The following DPYSL2 variants were observed in gnomAD, a reference collection of about 807,000 sequenced individuals.
The protein encoded by DPYSL2 is dihydropyrimidinase like 2, also known as dihydropyrimidinase-related protein 2.
A neutral mutation model predicts 69.9 loss-of-function variants in DPYSL2; 13 were observed. That is an observed-to-expected ratio of 0.19 (90% CI 0.12 to 0.30). The LOEUF is 0.30. DPYSL2 is among the 10% of genes least tolerant of loss of function. DPYSL2 has a pLI of 1.00. For synonymous variants in DPYSL2, 326 were observed against 359.1 expected (o/e 0.91, Z 1.04); for missense variants, 587 against 918.9 (o/e 0.64, Z 4.67).
chr8:26,527,642 T>C (rs1029993976), intron 1 of DPYSL2, among the ~76,000 whole-genome samples: 2 of 152,110 alleles, frequency 1.3e-5, no homozygotes, highest in African/African-American at 4.8e-5. Context: ...CAACTTTTTA[T>C]GTTGCCAAAT....
chr8:26,517,552 G>T lies in DPYSL2; in HGVS notation c.354+2873G>T, dbSNP rs1808312300. 6.6e-6 allele frequency among the ~76,000 whole-genome samples: 1 copy of T among 152,120 alleles called. No individual in the cohort carries two copies. The highest frequency in any genetic ancestry group is 2.4e-5 in the African/African-American group (1 of 41,438). On this transcript the variant is annotated intron_variant, in intron 1 of 13. Coordinates refer to ENST00000521913, the MANE Select transcript of DPYSL2 (RefSeq NM_001197293.3). The surrounding 1 kb of genome is among the most constrained non-coding windows in gnomAD (Gnocchi z 4.2). ...GAGAGAGAAGAAAGGCATCTCTGTT[G>T]GCCCAATCCCCCCTTGTCAGTGCCC...
At chr8:26,596,888 G>A (rs1044418864) in intron 3 of DPYSL2, among the ~76,000 whole-genome samples, 1 of 152,198 alleles carries the variant, frequency 6.6e-6, no homozygotes, top group Non-Finnish European at 1.5e-5. Flanking sequence ...CTTGTGACAG[G>A]TGCTTTACAA....
At chr8:26,584,997 C>A (rs2129745003) in intron 3 of DPYSL2, among the ~76,000 whole-genome samples, 1 of 152,252 alleles carries the variant, frequency 6.6e-6, no homozygotes, top group Non-Finnish European at 1.5e-5. Flanking sequence ...TAAGAGTTTG[C>A]TTGTGAACTG....
At position 26,624,273 on chromosome 8, in the gene DPYSL2, C is replaced by T. The variant is rs1248821795; in HGVS notation, c.759C>T (p.Ile253=). ...ACATCAGTGAGTGGCATAAGGGCATCCAGGAGGAGATGGAAGCGCTTGTGA... is the reference window on the plus strand; with the variant it reads ...ACATCAGTGAGTGGCATAAGGGCATTCAGGAGGAGATGGAAGCGCTTGTGA... The part of the protein sequence containing the change: ...HVDISEWHKG[I]QEEMEALVKD... The change falls in exon 4 of 14, where the codon ATC becomes ATT. Residue 253 remains isoleucine (I), a synonymous_variant. Coordinates refer to ENST00000521913, the MANE Select transcript of DPYSL2 (RefSeq NM_001197293.3). This position sits in a 1 kb window ranked among gnomAD's most constrained non-coding sequence, Gnocchi z 4.7. The T allele has an allele frequency of 1.2e-6, 2 of 1,614,162 alleles. No individual in the cohort carries two copies. Among genetic ancestry groups the T allele is most frequent in the South Asian group, 1.1e-5 (1 of 91,078 alleles).
chr8:26,643,469 C>A lies in DPYSL2; in HGVS notation c.1157C>A (p.Ala386Asp), dbSNP rs1169067198. 2 of 1,606,914 alleles carry A rather than the reference C, an allele frequency of 1.2e-6. No homozygotes were observed. The highest frequency in any genetic ancestry group is 1.7e-6 in the Non-Finnish European group (2 of 1,176,444). Residue 386 changes from alanine (A) to aspartate (D), a missense_variant, in exon 9 of 14, where the codon GCC (alanine) becomes GAC (aspartate). By Grantham distance (126) the Ala-to-Asp change is moderately radical. Around this residue, in one of 3 missense-constraint regions of DPYSL2, gnomAD observed 452 missense variants for 754.3 expected, o/e 0.60. Coordinates refer to ENST00000521913, the MANE Select transcript of DPYSL2 (RefSeq NM_001197293.3). This position sits in a 1 kb window ranked among gnomAD's most constrained non-coding sequence, Gnocchi z 6.5. Reference sequence around the variant, plus strand: ...GTGGTGTATGGCGAGCCCATCACTGCCAGCTTGGGAACGGACGGCTCCCAT... The same window carrying A: ...GTGGTGTATGGCGAGCCCATCACTGACAGCTTGGGAACGGACGGCTCCCAT... Reference protein sequence around the residue: ...GTVVYGEPITASLGTDGSHYW... With the variant: ...GTVVYGEPITDSLGTDGSHYW...
chr8:26,577,161 T>C (rs1359808227), intron 1 of DPYSL2: 2 of 447,112 alleles, frequency 4.5e-6, no homozygotes, highest in Non-Finnish European at 9.0e-6. Context: ...AGGGCTCTCA[T>C]TTCCTGCAGC....
At position 26,533,814 on chromosome 8, in the gene DPYSL2, G is replaced by A. The variant is rs1800548550; in HGVS notation, c.354+19135G>A. On this transcript the variant is annotated intron_variant, in intron 1 of 13. Coordinates refer to ENST00000521913, the MANE Select transcript of DPYSL2 (RefSeq NM_001197293.3). This position sits in a 1 kb window ranked among gnomAD's most constrained non-coding sequence, Gnocchi z 4.8. ...AAAGATGGTAGAAGAATTGAGGCTT[G>A]CAAGAAGTGACGTGCTGCTGCGGTG... Among the ~76,000 whole-genome samples the A allele has an allele frequency of 6.6e-6, 1 of 152,242 alleles. No individual in the cohort carries two copies. The highest frequency in any genetic ancestry group is 2.4e-5 in the African/African-American group (1 of 41,454).
chr8:26,576,984 A>G, intron 1 of DPYSL2: 1 of 306,364 alleles, frequency 3.3e-6, no homozygotes, highest in South Asian at 2.3e-5. Flanking sequence ...CAGAGCGCAG[A>G]TCGCGCCACA....
At chr8:26,556,367 A>G (rs373106960) in intron 1 of DPYSL2, among the ~76,000 whole-genome samples, 15 of 83,792 alleles carry the variant, frequency 1.8e-4, no homozygotes, top group Non-Finnish European at 2.5e-4. Context: ...TATATATAGT[A>G]TATATATATA....
intron 1 of DPYSL2, among the ~76,000 whole-genome samples, chr8:26,546,042 T>C (rs530270430): frequency 6.6e-6 from 1 of 152,324 alleles, no homozygotes; most frequent in East Asian, 1.9e-4. Flanking sequence ...GCATTTTGAT[T>C]GGGATTTTGA....
At chr8:26,603,920 A>G (rs148082913) in intron 3 of DPYSL2, among the ~76,000 whole-genome samples, 1 of 152,258 alleles carries the variant, frequency 6.6e-6, no homozygotes, top group Non-Finnish European at 1.5e-5. Context: ...CCTTTTGGCT[A>G]TTGTAAATAA....
Position 26,514,835 on chromosome 8 carries a change from A to G in DPYSL2, c.354+156A>G, listed in dbSNP as rs149517015. 0.014 allele frequency among the ~76,000 whole-genome samples: 2,128 copies of G among 152,086 alleles called. 26 individuals are homozygous for G. The highest frequency in any genetic ancestry group is 0.022 in the Non-Finnish European group (1,505 of 67,942). On this transcript the variant is annotated intron_variant, in intron 1 of 13. Transcript: ENST00000521913. This position sits in a 1 kb window ranked among gnomAD's most constrained non-coding sequence, Gnocchi z 8.4. Reference sequence around the variant, plus strand: ...CGCCCTACCCGCCCCTTCTCCGCGCAGGGTGCGGCGAGGCTCGGGCTGGGC... The same window carrying G: ...CGCCCTACCCGCCCCTTCTCCGCGCGGGGTGCGGCGAGGCTCGGGCTGGGC...
At chr8:26,604,240 A>G (rs1196671382) in intron 3 of DPYSL2, among the ~76,000 whole-genome samples, 2 of 152,200 alleles carry the variant, frequency 1.3e-5, no homozygotes, top group African/African-American at 4.8e-5. Flanking sequence ...CTTCAAATGT[A>G]GTTTATGGTT....
chr8:26,652,179 T>C lies in DPYSL2; in HGVS notation c.1597-78T>C. The C allele has an allele frequency of 7.3e-7, 1 of 1,378,568 alleles. No individual in the cohort carries two copies. Among genetic ancestry groups the C allele is most frequent in the African/African-American group, 1.4e-5 (1 of 69,096 alleles). The allele number at this position is 1,378,568 out of a possible 1,614,324, so 85.4% of individuals were successfully genotyped here. A position where few individuals can be genotyped will look rare whatever the true frequency, so the allele number is the denominator to read the frequency against. ...AGTCTCTCTTTTGTCTCTGTGGGGT[T>C]GGGGCAGTGGGTGCTGCCGGGTGGA... On this transcript the variant is annotated intron_variant, in intron 11 of 13. Transcript: ENST00000521913. The surrounding 1 kb of genome is among the most constrained non-coding windows in gnomAD (Gnocchi z 6.3).
chr8:26,535,637 T>G (rs12679207), intron 1 of DPYSL2, among the ~76,000 whole-genome samples: 1 of 144,128 alleles, frequency 6.9e-6, no homozygotes, highest in Non-Finnish European at 1.5e-5. Flanking sequence ...ATATATATAT[T>G]TTTTTTTTCA....
chr8:26,557,984 T>C (rs1801016670), intron 1 of DPYSL2, among the ~76,000 whole-genome samples: 1 of 151,898 alleles, frequency 6.6e-6, no homozygotes, highest in Non-Finnish European at 1.5e-5. Context: ...CTCTCATTCA[T>C]TGCTGGTGAG....
In DPYSL2 at chr8:26,654,154, G is replaced by GA. The variant is rs1471586893; in HGVS notation, c.1942+757_1942+758insA. Among the ~76,000 whole-genome samples, 1 of 152,146 alleles carries GA rather than the reference G, an allele frequency of 6.6e-6. No homozygotes were observed. The highest frequency in any genetic ancestry group is 1.5e-5 in the Non-Finnish European group (1 of 68,036). On this transcript the variant is annotated intron_variant, in intron 13 of 13. Coordinates refer to ENST00000521913, the MANE Select transcript of DPYSL2 (RefSeq NM_001197293.3). The surrounding 1 kb of genome is among the most constrained non-coding windows in gnomAD (Gnocchi z 5.0). ...CTGTATAATGGCAATAATAGTAGTT[G>GA]CTCCCCCGTGAGGTTGTTGTGAGGG...
rs1803130338 is a variant in DPYSL2 at position 26,645,000 on chromosome 8, C to T, written c.1425+909C>T. Among the ~76,000 whole-genome samples, 1 of 152,132 alleles carries T rather than the reference C, an allele frequency of 6.6e-6. No homozygotes were observed. Among genetic ancestry groups the T allele is most frequent in the Non-Finnish European group, 1.5e-5 (1 of 68,030 alleles). ...GAAGTAAATAAAAGTCACTGTGTTTCAGATATAACCACAATTAACATTTTG... is the reference window on the plus strand; with the variant it reads ...GAAGTAAATAAAAGTCACTGTGTTTTAGATATAACCACAATTAACATTTTG... On this transcript the variant is annotated intron_variant, in intron 10 of 13. Coordinates refer to ENST00000521913, the MANE Select transcript of DPYSL2 (RefSeq NM_001197293.3). The surrounding 1 kb of genome is among the most constrained non-coding windows in gnomAD (Gnocchi z 4.5).
intron 1 of DPYSL2, among the ~76,000 whole-genome samples, chr8:26,549,148 C>T (rs566219411): frequency 3.9e-4 from 59 of 151,844 alleles, no homozygotes; most frequent in Non-Finnish European, 6.0e-4. Context: ...GAGATCATGC[C>T]ACTGCACTCC....
Sources: gnomAD v4.1 joint callset for allele counts (sites outside exome capture counted in the v4.1 genomes callset) on GRCh38, gnomAD v4.1.1 for gene constraint, gnomAD v4.1.1 regional missense constraint, Gnocchi (gnomAD v3.1) non-coding constraint, MANE v1.5 for transcripts, NCBI Gene and HGNC (gene_info 2026-07-23, HGNC 2026-07-21) for gene names.